The following SPECC1L variants were observed in gnomAD, a reference collection of about 807,000 sequenced individuals.
The protein encoded by SPECC1L is cytospin-A.
A neutral mutation model predicts 116.8 loss-of-function variants in SPECC1L; 40 were observed. The ratio of observed to expected loss-of-function variants is 0.34; its 90% CI spans 0.27 to 0.45. The LOEUF is 0.45. SPECC1L is among the 20% of genes least tolerant of loss of function. The pLI is 1.00. For missense variants in SPECC1L, 1,110 were observed against 1,373.6 expected (o/e 0.81, Z 3.03); for synonymous variants, 504 against 500.6 (o/e 1.01, Z -0.09).
At chr22:24,381,294 A>T (rs1348210623) in intron 14 of SPECC1L, among the ~76,000 whole-genome samples, 1 of 152,232 alleles carries the variant, frequency 6.6e-6, no homozygotes, top group African/African-American at 2.4e-5. Context: ...CTAGACCTAG[A>T]AATGGATTGG....
chr22:24,369,585 G>A (rs2041835417), intron 14 of SPECC1L, among the ~76,000 whole-genome samples: 1 of 152,146 alleles, frequency 6.6e-6, no homozygotes, highest in African/African-American at 2.4e-5. Flanking sequence ...TGGAGTCCCA[G>A]CTACTTGAGA....
chr22:24,279,689 T>A, intron 2 of SPECC1L, among the ~76,000 whole-genome samples: 1 of 152,148 alleles, frequency 6.6e-6, no homozygotes, highest in East Asian at 1.9e-4. Flanking sequence ...CTCAAGTGAT[T>A]TTCATGCCTC....
chr22:24,304,803 C>G (rs377688165), intron 3 of SPECC1L, among the ~76,000 whole-genome samples: 5 of 152,172 alleles, frequency 3.3e-5, no homozygotes, highest in African/African-American at 9.7e-5. Flanking sequence ...TCCTCGGAAA[C>G]TTGAAAGGTA....
chr22:24,359,057 G>A (rs5760364), intron 11 of SPECC1L, among the ~76,000 whole-genome samples: 4 of 151,690 alleles, frequency 2.6e-5, no homozygotes, highest in African/African-American at 7.3e-5. Context: ...CTTTACCGGC[G>A]AGCTCCTTTC....
intron 14 of SPECC1L, among the ~76,000 whole-genome samples, chr22:24,409,469 C>A (rs925858334): frequency 6.6e-6 from 1 of 152,154 alleles, no homozygotes; most frequent in South Asian, 2.1e-4. Context: ...TACATACCAG[C>A]TGAATTGCAG....
chr22:24,334,667 C>T, intron 9 of SPECC1L, 94 bp downstream of exon 9: 2 of 1,356,932 alleles, frequency 1.5e-6, no homozygotes, highest in Non-Finnish European at 2.1e-6. Context: ...TACTGTCTTA[C>T]TCTTAGTCCC....
At chr22:24,298,413 T>C (rs2049309900) in intron 2 of SPECC1L, among the ~76,000 whole-genome samples, 1 of 152,252 alleles carries the variant, frequency 6.6e-6, no homozygotes, top group African/African-American at 2.4e-5. Context: ...GTAGGGGTTC[T>C]TGAAACATAT....
chr22:24,296,187 C>T (rs2049258221), intron 2 of SPECC1L, among the ~76,000 whole-genome samples: 1 of 152,146 alleles, frequency 6.6e-6, no homozygotes, highest in Non-Finnish European at 1.5e-5. Context: ...AATGAATTGA[C>T]CTGGAGAGAA....
At chr22:24,409,050 C>T (rs975447874) in intron 14 of SPECC1L, among the ~76,000 whole-genome samples, 3 of 152,182 alleles carry the variant, frequency 2.0e-5, no homozygotes, top group African/African-American at 7.2e-5. Flanking sequence ...TGAGCCAGGT[C>T]CCTGACTTGG....
At chr22:24,379,433 T>C (rs1569442189) in intron 14 of SPECC1L, among the ~76,000 whole-genome samples, 1 of 152,098 alleles carries the variant, frequency 6.6e-6, no homozygotes, top group Non-Finnish European at 1.5e-5. Flanking sequence ...AACTTTCCCA[T>C]GTATCAGGTT....
intron 2 of SPECC1L, among the ~76,000 whole-genome samples, chr22:24,277,081 G>A (rs1037432538): frequency 6.6e-6 from 1 of 152,054 alleles, no homozygotes; most frequent in African/African-American, 2.4e-5. Context: ...GGTTTGCTTC[G>A]TCTCCCCCAT....
chr22:24,293,994 A>C (rs1193273631), intron 2 of SPECC1L, among the ~76,000 whole-genome samples: 2 of 25,088 alleles, frequency 8.0e-5, no homozygotes, highest in African/African-American at 1.8e-4. Context: ...TGGGAACTGC[A>C]AGTCAGGTTA....
Position 24,412,718 on chromosome 22 carries a change from GT to G in SPECC1L, c.3264+12del. On this transcript the variant is annotated intron_variant, in intron 16 of 16. Transcript: ENST00000314328. ...ATCAAATCCACACTGGTGAGCCCTT[GT>G]CCCCCTGAGTCACTGGCAGGGCCCT... The G allele has an allele frequency of 6.2e-7, 1 of 1,613,894 alleles. No individual in the cohort carries two copies. Among genetic ancestry groups the G allele is most frequent in the Admixed American group, 1.7e-5 (1 of 60,026 alleles).
intron 2 of SPECC1L, among the ~76,000 whole-genome samples, chr22:24,286,847 A>G (rs1381350536): frequency 1.3e-5 from 2 of 152,216 alleles, no homozygotes; most frequent in African/African-American, 4.8e-5. Flanking sequence ...GGCAGAGGTT[A>G]CAGTGAGCTG....
intron 5 of SPECC1L, 148 bp from the exon 6 acceptor site, chr22:24,324,072 C>G (rs2040771803): frequency 8.9e-6 from 6 of 674,500 alleles, no homozygotes; most frequent in Non-Finnish European, 1.6e-5. Context: ...CTTTTTCATA[C>G]TTTTTAACAG....
chr22:24,383,014 C>T (rs1225186998), intron 14 of SPECC1L, among the ~76,000 whole-genome samples: 1 of 152,156 alleles, frequency 6.6e-6, no homozygotes, highest in Non-Finnish European at 1.5e-5. Flanking sequence ...AAAACTTAAG[C>T]ACAGTTTTTG....
chr22:24,381,047 G>T (rs2042053724), intron 14 of SPECC1L, among the ~76,000 whole-genome samples: 1 of 152,094 alleles, frequency 6.6e-6, no homozygotes, highest in Admixed American at 6.5e-5. Flanking sequence ...TTTAGCCGTT[G>T]TCTTTAGGGT....
chr22:24,389,953 A>C (rs1417828724), intron 14 of SPECC1L, among the ~76,000 whole-genome samples: 1 of 152,104 alleles, frequency 6.6e-6, no homozygotes, highest in Non-Finnish European at 1.5e-5. Flanking sequence ...TATAAAGGTG[A>C]CTTTCCTAAC....
chr22:24,324,268 GA>G lies in SPECC1L; in HGVS notation c.1989del (p.Asp664IlefsTer2). Reference protein sequence around the residue: ...AFQEEAKKQIEDLNMTLEKLR... With the variant: ...AFQEEAKKQIXDLNMTLEKLR... ...CCAAGAAGAAGCTAAGAAACAAATT[GA>G]AGATTTGAATATGACGTTAGAAAAA... is the stretch of plus-strand genomic sequence containing the variant. On this transcript the variant is annotated frameshift_variant, in exon 6 of 17. Coordinates refer to ENST00000314328, the MANE Select transcript of SPECC1L (RefSeq NM_015330.6). LOFTEE classifies it high-confidence loss of function. 1 of 1,614,012 alleles carries G rather than the reference GA, an allele frequency of 6.2e-7. No individual in the cohort carries two copies. Among genetic ancestry groups the G allele is most frequent in the Non-Finnish European group, 8.5e-7 (1 of 1,179,988 alleles).
Sources: gnomAD v4.1 joint callset for allele counts (sites outside exome capture counted in the v4.1 genomes callset) on GRCh38, gnomAD v4.1.1 for gene constraint, MANE v1.5 for transcripts, NCBI Gene and HGNC (gene_info 2026-07-23, HGNC 2026-07-21) for gene names.